Variants in RNGTT observed in about 807,000 individuals in gnomAD.
RNGTT encodes mRNA-capping enzyme.
Under a neutral mutation model 79.3 loss-of-function variants are expected in RNGTT, and 33 were observed. The ratio of observed to expected loss-of-function variants is 0.42; its 90% CI spans 0.32 to 0.56. RNGTT has a LOEUF of 0.56. Ranked by LOEUF, RNGTT falls within the 20% of genes least tolerant of loss-of-function variation. The probability of loss-of-function intolerance (pLI) is 0.17; values close to 1 mark genes in which losing one functional copy is unlikely to be tolerated. For missense variants in RNGTT, 497 were observed against 739.1 expected, an observed-to-expected ratio of 0.67 and a Z score of 3.80; for synonymous variants, 222 against 235.9, an observed-to-expected ratio of 0.94 and a Z score of 0.54.
At chr6:88,946,952 G>C (rs1482025649) in intron 1 of RNGTT, among the ~76,000 whole-genome samples, 9 of 101,764 alleles carry the variant, frequency 8.8e-5, no homozygotes. Flanking sequence ...AGTGCTCAAT[G>C]GTGCCCAGGC....
chr6:88,834,535 A>C (rs1780996494), intron 11 of RNGTT, among the ~76,000 whole-genome samples: 2 of 152,206 alleles, frequency 1.3e-5, no homozygotes, highest in South Asian at 4.1e-4. Context: ...CTGTAATTTC[A>C]TTAAAAATTA....
intron 14 of RNGTT, among the ~76,000 whole-genome samples, chr6:88,651,655 T>C (rs1773802646): frequency 6.6e-6 from 1 of 152,016 alleles, no homozygotes; most frequent in Non-Finnish European, 1.5e-5. Context: ...GGTTGTAACA[T>C]TTCACAATAA....
chr6:88,868,759 T>C (rs1254419079), intron 8 of RNGTT, among the ~76,000 whole-genome samples: 2 of 152,216 alleles, frequency 1.3e-5, no homozygotes, highest in Non-Finnish European at 2.9e-5. Context: ...TATCAAAATA[T>C]TGTATTTGGC....
In RNGTT at chr6:88,671,015, T is replaced by C. The variant is rs561091853; in HGVS notation, c.1506+7338A>G. ...CAACATTATACTGAACAGGGAAAAG[T>C]TGAAAACATTCCCCCTGAGAACTGG... is the stretch of plus-strand genomic sequence containing the variant. On this transcript the variant is annotated intron_variant, in intron 14 of 15. Coordinates refer to ENST00000369485, the MANE Select transcript of RNGTT (RefSeq NM_003800.5). 5.9e-5 allele frequency among the ~76,000 whole-genome samples: 9 copies of C among 152,204 alleles called. No homozygotes were observed. The East Asian group carries it at 1.7e-3, about 29-fold the overall frequency.
chr6:88,911,923 C>CA (rs1783840847), intron 4 of RNGTT, among the ~76,000 whole-genome samples: 1 of 151,674 alleles, frequency 6.6e-6, no homozygotes, highest in African/African-American at 2.4e-5. Context: ...CCTGTCTCTA[C>CA]AAAAAATTTC....
At chr6:88,640,259 G>A (rs1314654670) in intron 14 of RNGTT, among the ~76,000 whole-genome samples, 3 of 151,718 alleles carry the variant, frequency 2.0e-5, no homozygotes, top group Admixed American at 6.6e-5. Context: ...GTCATTTATC[G>A]AGCAATAAAG....
At chr6:88,762,531 C>T (rs1371168981) in intron 13 of RNGTT, among the ~76,000 whole-genome samples, 1 of 152,136 alleles carries the variant, frequency 6.6e-6, no homozygotes, top group African/African-American at 2.4e-5. Flanking sequence ...TTGGCAAATA[C>T]TTTTTTCTCT....
Position 88,901,493 on chromosome 6 carries a change from ATCTTTT to A in RNGTT, c.684+3216_684+3221del, listed in dbSNP as rs1275153502. On this transcript the variant is annotated intron_variant, in intron 6 of 15. Coordinates refer to ENST00000369485, the MANE Select transcript of RNGTT (RefSeq NM_003800.5). ...AAAAAAATAACTGTCAAGCACCCTG[ATCTTTT>A]TTTTTTTTTTTTTTTTTTTTTTTTT... is the stretch of plus-strand genomic sequence containing the variant. Among the ~76,000 whole-genome samples the A allele has an allele frequency of 4.5e-3, 438 of 97,636 alleles. 4 individuals carry two copies. Among genetic ancestry groups the A allele is most frequent in the African/African-American group, 0.018 (401 of 22,170 alleles). The allele number at this position is 97,636 out of a possible 152,430, so 64.1% of individuals were successfully genotyped here.
At chr6:88,754,578 A>G (rs1208781830) in intron 13 of RNGTT, among the ~76,000 whole-genome samples, 2 of 152,202 alleles carry the variant, frequency 1.3e-5, no homozygotes. Flanking sequence ...GGGAACAGGC[A>G]CCCAAATCTG....
chr6:88,807,474 A>T (rs1779995797), intron 11 of RNGTT, among the ~76,000 whole-genome samples: 1 of 152,170 alleles, frequency 6.6e-6, no homozygotes, highest in African/African-American at 2.4e-5. Flanking sequence ...GAGAAAAGTC[A>T]CTAAACTTAA....
intron 13 of RNGTT, among the ~76,000 whole-genome samples, chr6:88,679,309 G>C (rs903079444): frequency 6.6e-6 from 1 of 152,150 alleles, no homozygotes; most frequent in Non-Finnish European, 1.5e-5. Context: ...TGGGATTTGG[G>C]ATTAGCCTCA....
chr6:88,629,108 T>C (rs943728041), intron 14 of RNGTT, among the ~76,000 whole-genome samples: 1 of 152,044 alleles, frequency 6.6e-6, no homozygotes, highest in African/African-American at 2.4e-5. Flanking sequence ...ACAAACAAAG[T>C]AGGAGAAATC....
chr6:88,688,316 A>G (rs772267845), intron 13 of RNGTT, among the ~76,000 whole-genome samples: 3 of 152,232 alleles, frequency 2.0e-5, no homozygotes, highest in Non-Finnish European at 4.4e-5. Context: ...GACTATCAGT[A>G]AGGCCTCATG....
intron 1 of RNGTT, among the ~76,000 whole-genome samples, chr6:88,949,159 G>GAAAAAAAAAAAA: frequency 4.8e-4 from 24 of 50,510 alleles, no homozygotes; most frequent in African/African-American, 7.9e-4. Context: ...AAAATAAAAT[G>GAAAAAAAAAAAA]AAAAAAAAAA....
intron 6 of RNGTT, among the ~76,000 whole-genome samples, chr6:88,898,497 CCTG>C (rs1422798591): frequency 6.6e-6 from 1 of 151,686 alleles, no homozygotes; most frequent in African/African-American, 2.4e-5. Context: ...TTCTTAATAG[CCTG>C]CTATTATTTT....
intron 8 of RNGTT, among the ~76,000 whole-genome samples, chr6:88,864,299 C>T (rs1005254042): frequency 3.3e-5 from 5 of 152,080 alleles, no homozygotes; most frequent in African/African-American, 9.7e-5. Context: ...GGAGTTTCAA[C>T]TTCATTTTGT....
chr6:88,817,678 C>T (rs1237157501), intron 11 of RNGTT, among the ~76,000 whole-genome samples: 4 of 150,324 alleles, frequency 2.7e-5, no homozygotes, highest in African/African-American at 9.8e-5. Flanking sequence ...CCTTCACGTA[C>T]TTTGCCAACC....
At chr6:88,946,686 G>C (rs1034695217) in intron 1 of RNGTT, among the ~76,000 whole-genome samples, 1 of 149,732 alleles carries the variant, frequency 6.7e-6, no homozygotes, top group Non-Finnish European at 1.5e-5. Context: ...CTCTCCCCAC[G>C]GTCTCCCTCT....
At chr6:88,885,973 C>T (rs1782842804) in intron 8 of RNGTT, among the ~76,000 whole-genome samples, 2 of 152,144 alleles carry the variant, frequency 1.3e-5, no homozygotes, top group Non-Finnish European at 2.9e-5. Flanking sequence ...CTGGCCAATG[C>T]TATTCAAAAG....
Sources: gnomAD v4.1 joint callset for allele counts (sites outside exome capture counted in the v4.1 genomes callset) on GRCh38, gnomAD v4.1.1 for gene constraint, MANE v1.5 for transcripts, NCBI Gene and HGNC (gene_info 2026-07-23, HGNC 2026-07-21) for gene names.